The following PAH variants were observed in gnomAD, a reference collection of about 807,000 sequenced individuals.
PAH encodes phenylalanine hydroxylase.
In PAH, 64 loss-of-function variants were observed where a neutral mutation model predicts 62.0. The observed-to-expected ratio is 1.03, with a 90% CI of 0.84 to 1.27. The LOEUF is 1.27. PAH is among the 50% of genes most tolerant of loss of function. PAH has a pLI of 0.00. For synonymous variants in PAH, 195 were observed against 196.2 expected (o/e 0.99, Z 0.05); for missense variants, 579 against 542.8 (o/e 1.07, Z -0.66).
At chr12:102,905,455 C>T (rs1164937606) in intron 2 of PAH, among the ~76,000 whole-genome samples, 1 of 152,138 alleles carries the variant, frequency 6.6e-6, no homozygotes, top group Non-Finnish European at 1.5e-5. Flanking sequence ...AAAGATCGTT[C>T]TCTTTACAAC....
Position 102,876,903 on chromosome 12 carries a change from A to G in PAH, c.441+559T>C, listed in dbSNP as rs533384471. ...CTGATCCCAACCCACTGCCCCAGCC[A>G]CATCTCTCATTCTCATACTTAATGC... On this transcript the variant is annotated intron_variant, in intron 4 of 12. Coordinates refer to ENST00000553106, the MANE Select transcript of PAH (RefSeq NM_000277.3). 6.3e-4 allele frequency among the ~76,000 whole-genome samples: 95 copies of G among 151,832 alleles called. 2 individuals carry two copies. The highest frequency in any genetic ancestry group is 3.5e-4 in the Non-Finnish European group (24 of 67,980).
intron 2 of PAH, among the ~76,000 whole-genome samples, chr12:102,895,869 A>AAAATATATATAT (rs953209518): frequency 8.4e-6 from 1 of 118,714 alleles, no homozygotes; most frequent in African/African-American, 3.6e-5. Flanking sequence ...AAAAAAAAAA[A>AAAATATATATAT]ATATATATAT....
At position 102,917,105 on chromosome 12, in the gene PAH, G is replaced by A; in HGVS notation, c.26C>T (p.Pro9Leu). Reference protein sequence around the residue: MSTAVLENPGLGRKLSDFG... With the variant: MSTAVLENLGLGRKLSDFG... ...GTCAGAGAGTTTCCTGCCCAAGCCT[G>A]GGTTTTCCAGGACCGCAGTGGACAT... is the stretch of plus-strand genomic sequence containing the variant. Residue 9 changes from proline (P) to leucine (L), a missense_variant, in exon 1 of 13, where the codon CCA becomes CTA. Pro to Leu is a moderately conservative substitution (Grantham distance 98). Coordinates refer to ENST00000553106, the MANE Select transcript of PAH (RefSeq NM_000277.3). The A allele has an allele frequency of 6.2e-7, 1 of 1,614,186 alleles. No homozygotes were observed.
rs557235263 is a variant in PAH at position 102,888,089 on chromosome 12, A to T, written c.352+6646T>A. The stretch of plus-strand genomic sequence containing the variant: ...GAGTTTGGACTTGCTCAACCCTAAG[A>T]TTCATTGTGTACCCTTATGAGAGAC... On this transcript the variant is annotated intron_variant, in intron 3 of 12. Coordinates refer to ENST00000553106, the MANE Select transcript of PAH (RefSeq NM_000277.3). Among the ~76,000 whole-genome samples, 22 of 152,190 alleles carry T rather than the reference A, an allele frequency of 1.4e-4. No homozygotes were observed. In the East Asian group the frequency reaches 4.3e-3, roughly 29 times the overall value.
At chr12:102,895,869 A>AAAAAAAAAATATATATATATAT (rs953209518) in intron 2 of PAH, among the ~76,000 whole-genome samples, 2 of 118,742 alleles carry the variant, frequency 1.7e-5, no homozygotes, top group African/African-American at 7.1e-5. Context: ...AAAAAAAAAA[A>AAAAAAAAAATATATATATATAT]ATATATATAT....
intron 9 of PAH, among the ~76,000 whole-genome samples, chr12:102,844,897 A>G (rs999034830): frequency 6.6e-6 from 1 of 152,138 alleles, no homozygotes; most frequent in Non-Finnish European, 1.5e-5. Context: ...CTGACTTTTC[A>G]GGTTCTCCAG....
upstream of PAH, among the ~76,000 whole-genome samples, chr12:102,919,467 G>A (rs575358404): frequency 1.3e-5 from 2 of 152,132 alleles, no homozygotes; most frequent in Admixed American, 1.3e-4. Context: ...ACTCTTTCAG[G>A]TATTTTTAAA....
chr12:102,929,522 G>A (rs910091642), intron 1 of PAH, among the ~76,000 whole-genome samples: 2 of 152,154 alleles, frequency 1.3e-5, no homozygotes, highest in Admixed American at 6.5e-5. Context: ...GGTAGACCAT[G>A]TCAACCATGG....
At chr12:102,861,046 C>CA (rs971499038) in intron 5 of PAH, among the ~76,000 whole-genome samples, 1 of 152,112 alleles carries the variant, frequency 6.6e-6, no homozygotes, top group African/African-American at 2.4e-5. Context: ...AGTGAACAGG[C>CA]AACTGACAGA....
At chr12:102,870,089 G>T (rs1565855989) in intron 4 of PAH, among the ~76,000 whole-genome samples, 1 of 152,250 alleles carries the variant, frequency 6.6e-6, no homozygotes, top group African/African-American at 2.4e-5. Context: ...AGTTCTACAG[G>T]ATGCAAGTCA....
intron 3 of PAH, among the ~76,000 whole-genome samples, chr12:102,892,868 T>C (rs1435086695): frequency 6.6e-6 from 1 of 152,186 alleles, no homozygotes; most frequent in African/African-American, 2.4e-5. Context: ...AAATGGTAGA[T>C]ACATGACATT....
chr12:102,895,866 AAAAAT>A (rs1377747862), intron 2 of PAH, among the ~76,000 whole-genome samples: 7 of 138,042 alleles, frequency 5.1e-5, no homozygotes, highest in African/African-American at 2.1e-4. Flanking sequence ...AAAAAAAAAA[AAAAAT>A]ATATATATAT....
chr12:102,855,354 G>T (rs549523784), intron 5 of PAH, 22 bp from the exon 6 acceptor site: 1 of 1,609,858 alleles, frequency 6.2e-7, no homozygotes, highest in Non-Finnish European at 8.5e-7. Flanking sequence ...GCACAAAATA[G>T]GTGTCTCAAG....
At chr12:102,898,310 A>C (rs1877596289) in intron 2 of PAH, among the ~76,000 whole-genome samples, 1 of 152,252 alleles carries the variant, frequency 6.6e-6, no homozygotes, top group Admixed American at 6.5e-5. Flanking sequence ...CCTCTAACAT[A>C]AATGCCCAGC....
chr12:102,855,065 C>G (rs1345260313), intron 6 of PAH, 71 bp downstream of exon 6: 1 of 1,244,896 alleles, frequency 8.0e-7, no homozygotes. Flanking sequence ...TACTTGTCTT[C>G]CCCTTCCCTC....
At chr12:102,860,084 T>C (rs958609172) in intron 5 of PAH, among the ~76,000 whole-genome samples, 1 of 152,146 alleles carries the variant, frequency 6.6e-6, no homozygotes, top group Non-Finnish European at 1.5e-5. Flanking sequence ...AAAACCCCAT[T>C]GTCTCAGCCC....
chr12:102,872,801 C>A (rs1260236838), intron 4 of PAH, among the ~76,000 whole-genome samples: 4 of 152,138 alleles, frequency 2.6e-5, no homozygotes, highest in Non-Finnish European at 4.4e-5. Context: ...AACCCCATCT[C>A]TACTAAAAAT....
intron 9 of PAH, among the ~76,000 whole-genome samples, chr12:102,845,394 C>G (rs1470147957): frequency 6.6e-6 from 1 of 152,084 alleles, no homozygotes; most frequent in African/African-American, 2.4e-5. Flanking sequence ...TCATTAGGCA[C>G]AACAGTGGGA....
At position 102,843,686 on chromosome 12, in the gene PAH, A is replaced by G. The variant is rs62517194; in HGVS notation, c.1159T>C (p.Tyr387His). 1.9e-6 allele frequency: 3 copies of G among 1,613,608 alleles called. No homozygotes were observed. Among genetic ancestry groups the G allele is most frequent in the Non-Finnish European group, 2.5e-6 (3 of 1,179,742 alleles). The part of the protein sequence containing the change: ...YTVTEFQPLY[Y>H]VAESFNDAKE... Reference sequence around the variant, plus strand: ...GCATCATTAAAACTCTCTGCCACGTAATAGAGGGGCTGGAACTCCGTGACA... The same window carrying G: ...GCATCATTAAAACTCTCTGCCACGTGATAGAGGGGCTGGAACTCCGTGACA... The change falls in exon 11 of 13, where the codon TAC becomes CAC. Residue 387 changes from tyrosine (Y) to histidine (H), a missense_variant. Tyr to His is a moderately conservative substitution (Grantham distance 83). Coordinates refer to ENST00000553106, the MANE Select transcript of PAH (RefSeq NM_000277.3).
Sources: allele counts gnomAD v4.1 joint callset (sites outside exome capture counted in the v4.1 genomes callset), GRCh38; gene constraint gnomAD v4.1.1; transcripts MANE v1.5; gene names NCBI Gene and HGNC (gene_info 2026-07-23, HGNC 2026-07-21).